Variants in ATP8A1 observed in about 807,000 individuals in gnomAD.
ATP8A1 encodes the protein ATPase phospholipid transporting 8A1.
ATP8A1 carries 90 observed loss-of-function variants against 177.7 expected under a neutral mutation model. The ratio of observed to expected loss-of-function variants is 0.51; its 90% CI spans 0.43 to 0.60. The LOEUF (loss-of-function observed/expected upper bound fraction) is 0.60. ATP8A1 is among the 20% of genes least tolerant of loss of function. The probability of loss-of-function intolerance (pLI) is 0.00; values close to 1 mark genes in which losing one functional copy is unlikely to be tolerated. For missense variants in ATP8A1, 1,072 were observed against 1,392.8 expected (o/e 0.77, Z 3.67); for synonymous variants, 493 against 485.9 (o/e 1.01, Z -0.19).
intron 29 of ATP8A1, among the ~76,000 whole-genome samples, chr4:42,453,601 A>T (rs979903689): frequency 7.2e-5 from 11 of 152,204 alleles, no homozygotes; most frequent in African/African-American, 2.7e-4. Context: ...GGCCACAAAA[A>T]TGTGTCCAAG....
intron 33 of ATP8A1, among the ~76,000 whole-genome samples, chr4:42,425,738 GGAGCAGCCTGTTCGGGCC>G (rs959700405): frequency 2.6e-5 from 4 of 152,300 alleles, no homozygotes; most frequent in African/African-American, 7.2e-5. Flanking sequence ...GCTCCGAACA[GGAGCAGCCTGTTCGGGCC>G]GAGCTCCGGT....
At chr4:42,614,579 T>C (rs549587674) in intron 5 of ATP8A1, among the ~76,000 whole-genome samples, 23 of 152,338 alleles carry the variant, frequency 1.5e-4, no homozygotes, top group African/African-American at 4.8e-4. Flanking sequence ...CTTCCATCTT[T>C]AACCCACATG....
intron 19 of ATP8A1, among the ~76,000 whole-genome samples, chr4:42,545,063 G>A (rs1279211905): frequency 1.3e-5 from 2 of 151,422 alleles, no homozygotes; most frequent in African/African-American, 2.4e-5. Flanking sequence ...AGGAGGCTGA[G>A]GCAGAAGAAT....
intron 25 of ATP8A1, among the ~76,000 whole-genome samples, chr4:42,473,257 GCCC>G (rs1405368363): frequency 2.6e-5 from 4 of 152,150 alleles, no homozygotes; most frequent in Admixed American, 6.5e-5. Flanking sequence ...TCTTTCTTCT[GCCC>G]CCAAGAGTTA....
chr4:42,518,314 T>A (rs114194472), intron 22 of ATP8A1, among the ~76,000 whole-genome samples: 1,528 of 152,318 alleles, frequency 0.01, 23 homozygotes, highest in African/African-American at 0.035. Flanking sequence ...CAATGACATA[T>A]CAATTCAAAT....
intron 25 of ATP8A1, among the ~76,000 whole-genome samples, chr4:42,465,655 A>T (rs1418361923): frequency 6.6e-6 from 1 of 152,254 alleles, no homozygotes; most frequent in East Asian, 1.9e-4. Flanking sequence ...AGGAACAGAA[A>T]ACACCAGTAT....
At chr4:42,622,029 T>G (rs1430477502) in intron 4 of ATP8A1, among the ~76,000 whole-genome samples, 1 of 152,222 alleles carries the variant, frequency 6.6e-6, no homozygotes, top group Non-Finnish European at 1.5e-5. Flanking sequence ...GTTAGCCATA[T>G]GTAGAAGACT....
intron 9 of ATP8A1, among the ~76,000 whole-genome samples, 193 bp from the exon 10 acceptor site, chr4:42,581,925 A>ACAC (rs1324787771): frequency 6.6e-6 from 1 of 152,158 alleles, no homozygotes; most frequent in East Asian, 1.9e-4. Flanking sequence ...CTTTTCCTTA[A>ACAC]CACCAACCAG....
intron 20 of ATP8A1, among the ~76,000 whole-genome samples, chr4:42,535,926 C>T (rs1227556916): frequency 6.6e-6 from 1 of 152,116 alleles, no homozygotes; most frequent in African/African-American, 2.4e-5. Flanking sequence ...ATAATAGTGA[C>T]ACAAACTATC....
chr4:42,414,897 G>A (rs1320363463), intron 35 of ATP8A1, 179 bp from the exon 36 acceptor site: 1 of 575,802 alleles, frequency 1.7e-6, no homozygotes, highest in Admixed American at 3.0e-5. Flanking sequence ...TATTTAGACA[G>A]ACTTTTGAGG....
intron 1 of ATP8A1, among the ~76,000 whole-genome samples, chr4:42,636,119 T>TAC (rs544619447): frequency 0.071 from 5,606 of 78,926 alleles, 162 homozygotes; most frequent in Admixed American, 0.14. Context: ...ATGGGCTTAA[T>TAC]ACACACACAC....
intron 24 of ATP8A1, among the ~76,000 whole-genome samples, chr4:42,497,688 G>C (rs1294985314): frequency 6.6e-6 from 1 of 152,124 alleles, no homozygotes; most frequent in African/African-American, 2.4e-5. Context: ...CCAGACAATG[G>C]GTTTGATGGA....
intron 19 of ATP8A1, among the ~76,000 whole-genome samples, chr4:42,548,370 G>C (rs17630831): frequency 0.14 from 20,726 of 152,148 alleles, 1,775 homozygotes; most frequent in East Asian, 0.25. Context: ...CTGGGCTTGT[G>C]AATCAGGCAG....
intron 24 of ATP8A1, among the ~76,000 whole-genome samples, chr4:42,502,465 T>A (rs962210556): frequency 6.6e-6 from 1 of 152,192 alleles, no homozygotes; most frequent in Non-Finnish European, 1.5e-5. Context: ...AGAAAGATGA[T>A]GGCAAGAATA....
intron 6 of ATP8A1, among the ~76,000 whole-genome samples, chr4:42,592,753 G>A (rs1734317107): frequency 6.6e-6 from 1 of 152,032 alleles, no homozygotes; most frequent in Non-Finnish European, 1.5e-5. Flanking sequence ...ATTGCTCCTA[G>A]GCTACAAACC....
intron 25 of ATP8A1, among the ~76,000 whole-genome samples, chr4:42,479,038 T>C (rs1721382827): frequency 6.6e-6 from 1 of 152,234 alleles, no homozygotes; most frequent in Non-Finnish European, 1.5e-5. Flanking sequence ...TAGCATGAAT[T>C]CCATCAGTAT....
chr4:42,592,086 T>G (rs538304357), intron 6 of ATP8A1, among the ~76,000 whole-genome samples: 298 of 152,226 alleles, frequency 2.0e-3, no homozygotes, highest in Non-Finnish European at 3.4e-3. Context: ...TAAAACCCTT[T>G]GAGGAAAAAA....
intron 24 of ATP8A1, among the ~76,000 whole-genome samples, chr4:42,489,599 T>C (rs1722540558): frequency 6.6e-6 from 1 of 152,236 alleles, no homozygotes; most frequent in Non-Finnish European, 1.5e-5. Flanking sequence ...CATTTTAGTT[T>C]ATAGTTTTCT....
chr4:42,576,535 G>A (rs774322519), intron 12 of ATP8A1, among the ~76,000 whole-genome samples: 5 of 134,526 alleles, frequency 3.7e-5, no homozygotes, highest in Non-Finnish European at 7.8e-5. Context: ...ATTTGTACTT[G>A]CCTTGTGTCC....
Sources: gnomAD v4.1 joint callset for allele counts (sites outside exome capture counted in the v4.1 genomes callset) on GRCh38, gnomAD v4.1.1 for gene constraint, MANE v1.5 for transcripts, NCBI Gene and HGNC (gene_info 2026-07-23, HGNC 2026-07-21) for gene names.